Variants in FBXO46 observed in about 807,000 individuals in gnomAD.
The protein encoded by FBXO46 is F-box protein 46, also known as F-box only protein 46.
A neutral mutation model predicts 30.7 loss-of-function variants in FBXO46; 13 were observed. The observed-to-expected ratio is 0.42, with a 90% CI of 0.28 to 0.67. The LOEUF (loss-of-function observed/expected upper bound fraction) is 0.67. Among genes scored for constraint, FBXO46 ranks in the 30% least tolerant of loss-of-function variants. FBXO46 has a pLI of 0.21. For synonymous variants in FBXO46, 467 were observed against 385.8 expected (o/e 1.21, Z -2.47); for missense variants, 754 against 871.5 (o/e 0.87, Z 1.70).
chr19:45,720,443 A>G (rs894616206), intron 1 of FBXO46, among the ~76,000 whole-genome samples: 1 of 151,702 alleles, frequency 6.6e-6, no homozygotes, highest in Non-Finnish European at 1.5e-5. Context: ...TAATATTTGT[A>G]TTTTTAGTAG....
At chr19:45,716,666 A>G (rs1333603006) in intron 1 of FBXO46, 1 of 151,132 alleles carries the variant, frequency 6.6e-6, no homozygotes, top group Non-Finnish European at 1.5e-5. Flanking sequence ...ACACTTTAAG[A>G]TGAATCTTAA....
chr19:45,717,605 G>A (rs1490981205), intron 1 of FBXO46, among the ~76,000 whole-genome samples: 2 of 152,196 alleles, frequency 1.3e-5, no homozygotes, highest in Non-Finnish European at 2.9e-5. Flanking sequence ...ACGGAACAAG[G>A]TCAGGGCAAA....
At position 45,713,190 on chromosome 19, in the gene FBXO46, G is replaced by A; in HGVS notation, c.306C>T (p.Ala102=). 6.2e-7 allele frequency: 1 copy of A among 1,613,878 alleles called. No homozygotes were observed. Among genetic ancestry groups the A allele is most frequent in the Non-Finnish European group, 8.5e-7 (1 of 1,179,848 alleles). ...IKPGNTKEKV[A]FFVAHQCGGG... ...CACCACACTGGTGGGCCACAAAGAA[G>A]GCCACCTTCTCCTTTGTATTCCCGG... is the stretch of plus-strand genomic sequence containing the variant. Residue 102 remains alanine, a synonymous_variant, in exon 2 of 2, where the codon GCC becomes GCT. Coordinates refer to ENST00000317683, the MANE Select transcript of FBXO46 (RefSeq NM_001080469.2). This position sits in a 1 kb window ranked among gnomAD's most constrained non-coding sequence, Gnocchi z 4.7.
At position 45,711,445 on chromosome 19, in the gene FBXO46, A is replaced by T. The variant is rs1478430681; in HGVS notation, c.*239T>A. On this transcript the variant is annotated 3_prime_UTR_variant, in exon 2 of 2. Transcript: ENST00000317683. ...GGAGAAGAAAGTGAGATGCTGATAA[A>T]AAAAAAAAAAACACCCTTCTCAGAG... 2 of 655,196 alleles carry T rather than the reference A, an allele frequency of 3.1e-6. No homozygotes were observed. Among genetic ancestry groups the T allele is most frequent in the Non-Finnish European group, 2.8e-6 (1 of 359,860 alleles). 40.6% of individuals were successfully genotyped at this position (655,196 alleles called of 1,614,324 possible). A position where few individuals can be genotyped will look rare whatever the true frequency, so the allele number is the denominator to read the frequency against.
Position 45,712,884 on chromosome 19 carries a change from G to C in FBXO46, c.612C>G (p.Ala204=). The C allele has an allele frequency of 6.2e-6, 10 of 1,613,362 alleles. No individual in the cohort carries two copies. The highest frequency in any genetic ancestry group is 1.3e-5 in the African/African-American group (1 of 75,034). Reference sequence around the variant, plus strand: ...CCCCCTTGGCCGGTCCACCTTGCTCGGCGGACACAAAGACTACAGGCGCTG... The same window carrying C: ...CCCCCTTGGCCGGTCCACCTTGCTCCGCGGACACAAAGACTACAGGCGCTG... ...TTPAPVVFVS[A]EQGGPAKGVG... The change falls in exon 2 of 2, where the codon GCC becomes GCG. Residue 204 remains alanine, a synonymous_variant. Coordinates refer to ENST00000317683, the MANE Select transcript of FBXO46 (RefSeq NM_001080469.2). The surrounding 1 kb of genome is among the most constrained non-coding windows in gnomAD (Gnocchi z 8.8).
In FBXO46 at chr19:45,712,706, G is replaced by A; in HGVS notation, c.790C>T (p.Arg264Cys). Residue 264 changes from arginine to cysteine, a missense_variant, in exon 2 of 2, where the codon CGC (arginine) becomes TGC (cysteine). Physicochemically the swap from Arg to Cys is radical, Grantham distance 180. This residue lies in a region of FBXO46 where 454 missense variants were observed against 426.5 expected (regional missense o/e 1.06). Transcript: ENST00000317683. This position sits in a 1 kb window ranked among gnomAD's most constrained non-coding sequence, Gnocchi z 8.8. ...PGPGEVRIAF[R>C]ISNGREPRAP... ...CGGGGCTCCCGGCCGTTGGAGATGC[G>A]GAAGGCGATGCGCACCTCCCCAGGG... The A allele has an allele frequency of 2.5e-6, 4 of 1,612,658 alleles. No individual in the cohort carries two copies. The highest frequency in any genetic ancestry group is 2.2e-5 in the East Asian group (1 of 44,836).
chr19:45,731,483 G>A (rs1968311790), upstream of FBXO46, among the ~76,000 whole-genome samples: 1 of 151,662 alleles, frequency 6.6e-6, no homozygotes, highest in African/African-American at 2.4e-5. Context: ...CGCCCGGCTA[G>A]TTTTTGTATT....
chr19:45,724,709 A>C (rs1391715179), intron 1 of FBXO46, among the ~76,000 whole-genome samples: 1 of 152,148 alleles, frequency 6.6e-6, no homozygotes, highest in Non-Finnish European at 1.5e-5. Context: ...GCTGGAGTGC[A>C]GTGGTGCAAT....
intron 1 of FBXO46, among the ~76,000 whole-genome samples, chr19:45,724,689 C>T (rs1469036547): frequency 6.6e-6 from 1 of 152,060 alleles, no homozygotes; most frequent in East Asian, 1.9e-4. Context: ...GAGGCCTGCT[C>T]GTTACCCAGG....
At chr19:45,733,061 G>C (rs1968348390), upstream of FBXO46, among the ~76,000 whole-genome samples, 1 of 152,114 alleles carries the variant, frequency 6.6e-6, no homozygotes, top group Non-Finnish European at 1.5e-5. This position sits in a 1 kb window ranked among gnomAD's most constrained non-coding sequence, Gnocchi z 5.7. Flanking sequence ...GAACTGAAGG[G>C]AAAAGGTGGA....
In FBXO46 at chr19:45,713,016, G is replaced by A. The variant is rs1457024673; in HGVS notation, c.480C>T (p.Pro160=). 1.5e-5 allele frequency: 23 copies of A among 1,557,102 alleles called. No individual in the cohort carries two copies. The highest frequency in any genetic ancestry group is 2.3e-5 in the East Asian group (1 of 43,296). Residue 160 remains proline, a synonymous_variant, in exon 2 of 2, where the codon CCC becomes CCT. Transcript: ENST00000317683. The surrounding 1 kb of genome is among the most constrained non-coding windows in gnomAD (Gnocchi z 4.7). Reference sequence around the variant, plus strand: ...GGTCCACGTCCTCACCGGCTGAGGCGGGGCCCTCCTCAGCAGCAGGGGGGC... The same window carrying A: ...GGTCCACGTCCTCACCGGCTGAGGCAGGGCCCTCCTCAGCAGCAGGGGGGC... ...REGPPAAEEG[P]ASAGEDVDLL... is the part of the protein sequence containing the mutation.
rs1968038427 is a variant in FBXO46 at position 45,713,601 on chromosome 19, G to A, written c.-78-28C>T. ...GGAGACACGAAGAGGAGGTTGGGGA[G>A]CTAGGGGGACAGCCTTTCTTCCCAG... is the stretch of plus-strand genomic sequence containing the variant. On this transcript the variant is annotated intron_variant, in intron 1 of 1. Transcript: ENST00000317683. The surrounding 1 kb of genome is among the most constrained non-coding windows in gnomAD (Gnocchi z 4.7). The A allele has an allele frequency of 3.2e-6, 3 of 932,858 alleles. No homozygotes were observed. The highest frequency in any genetic ancestry group is 2.9e-5 in the Admixed American group (1 of 33,958). 57.8% of individuals were successfully genotyped at this position (932,858 alleles called of 1,614,324 possible). A position where few individuals can be genotyped will look rare whatever the true frequency, so the allele number is the denominator to read the frequency against.
chr19:45,711,442 TAAAAA>T lies in FBXO46; in HGVS notation c.*237_*241del. On this transcript the variant is annotated 3_prime_UTR_variant, in exon 2 of 2. Coordinates refer to ENST00000317683, the MANE Select transcript of FBXO46 (RefSeq NM_001080469.2). Reference sequence around the variant, plus strand: ...AATGGAGAAGAAAGTGAGATGCTGATAAAAAAAAAAAAAACACCCTTCTCAGAGGG... The same window carrying T: ...AATGGAGAAGAAAGTGAGATGCTGATAAAAAAAAACACCCTTCTCAGAGGG... 1.6e-6 allele frequency: 1 copy of T among 606,574 alleles called. No homozygotes were observed. The highest frequency in any genetic ancestry group is 2.0e-5 in the African/African-American group (1 of 51,048). The allele number at this position is 606,574 out of a possible 1,614,324, so 37.6% of individuals were successfully genotyped here. A position where few individuals can be genotyped will look rare whatever the true frequency, so the allele number is the denominator to read the frequency against.
chr19:45,718,975 G>A (rs896454063), intron 1 of FBXO46, among the ~76,000 whole-genome samples: 6 of 149,594 alleles, frequency 4.0e-5, no homozygotes, highest in Non-Finnish European at 8.9e-5. Flanking sequence ...GGCCAGGCAC[G>A]GTGGCTCACA....
Position 45,710,979 on chromosome 19 carries a change from G to A in FBXO46, c.*705C>T. 1 of 234,722 alleles carries A rather than the reference G, an allele frequency of 4.3e-6. No individual in the cohort carries two copies. Among genetic ancestry groups the A allele is most frequent in the Admixed American group, 5.7e-5 (1 of 17,586 alleles). 14.5% of individuals were successfully genotyped at this position (234,722 alleles called of 1,614,324 possible). On this transcript the variant is annotated 3_prime_UTR_variant, in exon 2 of 2. Coordinates refer to ENST00000317683, the MANE Select transcript of FBXO46 (RefSeq NM_001080469.2). Reference sequence around the variant, plus strand: ...CTTTATGGGGGTGGGGTTGATGGCAGTAGCTTAAATAATAACGGGAGGAGG... The same window carrying A: ...CTTTATGGGGGTGGGGTTGATGGCAATAGCTTAAATAATAACGGGAGGAGG...
intron 1 of FBXO46, among the ~76,000 whole-genome samples, chr19:45,718,519 G>T (rs1968131018): frequency 6.6e-6 from 1 of 152,038 alleles, no homozygotes; most frequent in South Asian, 2.1e-4. Flanking sequence ...CCGGGCTCTT[G>T]CCTTCCCTGG....
At position 45,713,560 on chromosome 19, in the gene FBXO46, G is replaced by T; in HGVS notation, c.-65C>A. The T allele has an allele frequency of 3.0e-6, 4 of 1,314,084 alleles. No individual in the cohort carries two copies. Among genetic ancestry groups the T allele is most frequent in the East Asian group, 4.8e-5 (2 of 41,318 alleles). 81.4% of individuals were successfully genotyped at this position (1,314,084 alleles called of 1,614,324 possible). A position where few individuals can be genotyped will look rare whatever the true frequency, so the allele number is the denominator to read the frequency against. On this transcript the variant is annotated 5_prime_UTR_variant, in exon 2 of 2. Transcript: ENST00000317683. The surrounding 1 kb of genome is among the most constrained non-coding windows in gnomAD (Gnocchi z 4.7). Reference sequence around the variant, plus strand: ...CTCAGGACCTAGGTGGTGGTGGGAGGCTCCACATGCCACCTGGAGACACGA... The same window carrying T: ...CTCAGGACCTAGGTGGTGGTGGGAGTCTCCACATGCCACCTGGAGACACGA...
At chr19:45,729,556 CTAAAT>C (rs1205592634) in intron 1 of FBXO46, among the ~76,000 whole-genome samples, 1 of 152,248 alleles carries the variant, frequency 6.6e-6, no homozygotes, top group Non-Finnish European at 1.5e-5. Flanking sequence ...GGAGAGAGGA[CTAAAT>C]TATAGTGCTG....
chr19:45,713,453 G>A lies in FBXO46; in HGVS notation c.43C>T (p.Arg15Trp), dbSNP rs1181231180. 5 of 1,591,514 alleles carry A rather than the reference G, an allele frequency of 3.1e-6. No homozygotes were observed. The highest frequency in any genetic ancestry group is 4.3e-6 in the Non-Finnish European group (5 of 1,164,694). The change falls in exon 2 of 2, where the codon CGG (arginine) becomes TGG (tryptophan). Residue 15 changes from arginine (R) to tryptophan (W), a missense_variant. By Grantham distance (101) the Arg-to-Trp change is moderately radical. Around this residue, in one of 5 missense-constraint regions of FBXO46, gnomAD observed 97 missense variants for 113.0 expected, o/e 0.86. Coordinates refer to ENST00000317683, the MANE Select transcript of FBXO46 (RefSeq NM_001080469.2). The surrounding 1 kb of genome is among the most constrained non-coding windows in gnomAD (Gnocchi z 4.7). ...TTCTGTGAGTAGGTGCCAAAGGGCCGGGGGCACCATAGCTGGAAGGGCAGG... is the reference window on the plus strand; with the variant it reads ...TTCTGTGAGTAGGTGCCAAAGGGCCAGGGGCACCATAGCTGGAAGGGCAGG... ...SLLPFQLWCP[R>W]PFGTYSQNQP...
Sources: gnomAD v4.1 joint callset for allele counts (sites outside exome capture counted in the v4.1 genomes callset) on GRCh38, gnomAD v4.1.1 for gene constraint, gnomAD v4.1.1 regional missense constraint, Gnocchi (gnomAD v3.1) non-coding constraint, MANE v1.5 for transcripts, NCBI Gene and HGNC (gene_info 2026-07-23, HGNC 2026-07-21) for gene names.